PMPCB: variants seen among roughly 807,000 people sequenced by gnomAD.
PMPCB encodes mitochondrial-processing peptidase subunit beta.
In PMPCB, 46 loss-of-function variants were observed where a neutral mutation model predicts 61.5. That is an observed-to-expected ratio of 0.75 (90% CI 0.59 to 0.96). PMPCB has a LOEUF of 0.96. PMPCB is among the 40% of genes least tolerant of loss of function. The pLI is 0.00. For missense variants in PMPCB, 590 were observed against 602.4 expected (o/e 0.98, Z 0.22); for synonymous variants, 191 against 201.6 (o/e 0.95, Z 0.44).
At chr7:103,323,698 G>C (rs1408334804) in intron 12 of PMPCB, 1 of 1,317,372 alleles carries the variant, frequency 7.6e-7, no homozygotes. Flanking sequence ...GATCAAGACA[G>C]AATAAATGAA....
chr7:103,312,976 T>A lies in PMPCB; in HGVS notation c.*705T>A, dbSNP rs1361770771. On this transcript the variant is annotated 3_prime_UTR_variant, in exon 13 of 13. Coordinates refer to ENST00000249269, the MANE Select transcript of PMPCB (RefSeq NM_004279.3). ...TATCGTTTCATGCAGTCCTTCTTTG[T>A]CCTGCCAGGCACCGCTTCTGCTATT... is the stretch of plus-strand genomic sequence containing the variant. The A allele has an allele frequency of 6.2e-7, 1 of 1,613,988 alleles. No homozygotes were observed. Among genetic ancestry groups the A allele is most frequent in the South Asian group, 1.1e-5 (1 of 91,058 alleles).
chr7:103,317,877 C>T (rs906237505), downstream of PMPCB, among the ~76,000 whole-genome samples: 2 of 152,198 alleles, frequency 1.3e-5, no homozygotes, highest in Admixed American at 1.3e-4. Flanking sequence ...TCTCAAACTC[C>T]TGACCTCAGG....
downstream of PMPCB, among the ~76,000 whole-genome samples, chr7:103,332,624 C>G (rs1478995151): frequency 6.8e-6 from 1 of 146,858 alleles, no homozygotes; most frequent in Non-Finnish European, 1.5e-5. Flanking sequence ...GTTTTTCATC[C>G]TTTTTTTTTT....
intron 12 of PMPCB, chr7:103,324,396 GAATT>G (rs1388667076): frequency 1.7e-6 from 2 of 1,203,398 alleles, no homozygotes; most frequent in African/African-American, 1.6e-5. Context: ...TTGTCCATCT[GAATT>G]AATTTATAAA....
At chr7:103,301,508 G>A (rs1431700580) in intron 4 of PMPCB, among the ~76,000 whole-genome samples, 1 of 152,096 alleles carries the variant, frequency 6.6e-6, no homozygotes, top group African/African-American at 2.4e-5. Flanking sequence ...CAACAGGGAA[G>A]GCAAAAAGGA....
chr7:103,306,364 C>T (rs1817575393), intron 6 of PMPCB, among the ~76,000 whole-genome samples: 1 of 149,704 alleles, frequency 6.7e-6, no homozygotes, highest in South Asian at 2.1e-4. Context: ...TTAGATGACA[C>T]TATTTTGTTC....
At chr7:103,302,112 C>T (rs1346806437) in intron 4 of PMPCB, among the ~76,000 whole-genome samples, 1 of 152,110 alleles carries the variant, frequency 6.6e-6, no homozygotes, top group African/African-American at 2.4e-5. Flanking sequence ...CATCCATGTC[C>T]CTACAAAGGA....
the PMPCB span, chr7:103,344,517 G>T: frequency 2.5e-6 from 4 of 1,609,058 alleles, no homozygotes; most frequent in Non-Finnish European, 3.4e-6. Context: ...TGAGGCAGGG[G>T]CAGCTGAGGT....
downstream of PMPCB, chr7:103,315,671 C>T: frequency 2.7e-6 from 2 of 741,216 alleles, no homozygotes; most frequent in Admixed American, 5.7e-5. Context: ...ATTTTATTTC[C>T]CTATCATTCT....
At chr7:103,338,521 T>G in the PMPCB span, among the ~76,000 whole-genome samples, 3 of 151,294 alleles carry the variant, frequency 2.0e-5, no homozygotes, top group East Asian at 6.0e-4. Context: ...GGTCTCGAAC[T>G]CCTGACCTCA....
At chr7:103,345,987 C>T in the PMPCB span, among the ~76,000 whole-genome samples, 3 of 151,954 alleles carry the variant, frequency 2.0e-5, no homozygotes, top group South Asian at 6.2e-4. Context: ...AAAACCTCTT[C>T]CTGATCCCTA....
chr7:103,300,285 A>G lies in PMPCB; in HGVS notation c.435A>G (p.Ala145=), dbSNP rs772515679. ...AGCAGACTGTATACTATGCCAAAGC[A>G]TTCTCTAAAGACTTGCCAAGAGGTA... ...SREQTVYYAK[A]FSKDLPRAVE... is the part of the protein sequence containing the mutation. Residue 145 remains alanine (A), a synonymous_variant, in exon 4 of 13, where the codon GCA becomes GCG. Transcript: ENST00000249269. The G allele has an allele frequency of 8.1e-6, 13 of 1,607,526 alleles. No homozygotes were observed. Among genetic ancestry groups the G allele is most frequent in the Non-Finnish European group, 1.1e-5 (13 of 1,176,558 alleles).
At chr7:103,343,433 G>A in the PMPCB span, among the ~76,000 whole-genome samples, 2 of 152,224 alleles carry the variant, frequency 1.3e-5, no homozygotes, top group Non-Finnish European at 2.9e-5. Context: ...CTAAGCTGTA[G>A]TGGAACAAGC....
At chr7:103,298,776 T>C in intron 2 of PMPCB, 68 bp downstream of exon 2, 3 of 1,480,596 alleles carry the variant, frequency 2.0e-6, no homozygotes, top group Non-Finnish European at 2.8e-6. Flanking sequence ...GATTTTAATC[T>C]TTAGCTTTTT....
chr7:103,345,909 C>A, the PMPCB span, among the ~76,000 whole-genome samples: 1 of 151,516 alleles, frequency 6.6e-6, no homozygotes, highest in African/African-American at 2.4e-5. Context: ...CACACCATTG[C>A]GCTCCAGCCT....
At chr7:103,297,842 G>T in intron 1 of PMPCB, 1 of 1,495,332 alleles carries the variant, frequency 6.7e-7, no homozygotes, top group Non-Finnish European at 8.9e-7. Flanking sequence ...CGTAGTGCTT[G>T]CAAATTGGGG....
At chr7:103,338,517 G>A in the PMPCB span, among the ~76,000 whole-genome samples, 3 of 151,204 alleles carry the variant, frequency 2.0e-5, no homozygotes, top group Admixed American at 6.6e-5. Flanking sequence ...GGCTGGTCTC[G>A]AACTCCTGAC....
rs192613679 is a variant in PMPCB, at chr7:103,309,671, A to G, written c.993+576A>G. Among the ~76,000 whole-genome samples, 210 of 152,360 alleles carry G rather than the reference A, an allele frequency of 1.4e-3. 1 individual carries two copies. The highest frequency in any genetic ancestry group is 4.9e-3 in the African/African-American group (204 of 41,594). ...GGTATCCACAGGGATCTGGGAACCA[A>G]TTCTCCACAGATACTGAGGAACTAT... On this transcript the variant is annotated intron_variant, in intron 8 of 12. Transcript: ENST00000249269.
At chr7:103,327,575 G>A (rs1818773172) in intron 12 of PMPCB, 1 of 882,724 alleles carries the variant, frequency 1.1e-6, no homozygotes, top group East Asian at 2.5e-5. Context: ...ATGAACTACA[G>A]TATGCATAAG....
Sources: gnomAD v4.1 joint callset for allele counts (sites outside exome capture counted in the v4.1 genomes callset) on GRCh38, gnomAD v4.1.1 for gene constraint, MANE v1.5 for transcripts, NCBI Gene and HGNC (gene_info 2026-07-23, HGNC 2026-07-21) for gene names.